The following B3GLCT variants were observed in gnomAD, a reference collection of about 807,000 sequenced individuals.
B3GLCT encodes beta 3-glucosyltransferase.
A neutral mutation model predicts 63.4 loss-of-function variants in B3GLCT; 65 were observed. The observed-to-expected ratio is 1.03, with a 90% CI of 0.84 to 1.26. B3GLCT has a LOEUF of 1.26. Ranked by LOEUF, B3GLCT falls within the 50% of genes most tolerant of loss-of-function variation. The pLI is 0.00. For synonymous variants in B3GLCT, 233 were observed against 219.2 expected (o/e 1.06, Z -0.55); for missense variants, 577 against 604.8 (o/e 0.95, Z 0.48).
intron 2 of B3GLCT, among the ~76,000 whole-genome samples, chr13:31,217,256 G>T (rs1480672158): frequency 6.6e-6 from 1 of 152,188 alleles, no homozygotes; most frequent in Non-Finnish European, 1.5e-5. Context: ...CTTTTGAGAA[G>T]TGTCTGTTCA....
In B3GLCT at chr13:31,215,135, T is replaced by C. The variant is rs1165865839; in HGVS notation, c.120+35T>C. On this transcript the variant is annotated intron_variant, in intron 2 of 14. Transcript: ENST00000343307. ...CCAATGATCAAATCTTTTCCTCCCT[T>C]CTAAGATTCATTTGTATTTTCTCTG... is the stretch of plus-strand genomic sequence containing the variant. The C allele has an allele frequency of 3.2e-6, 5 of 1,575,960 alleles. No individual in the cohort carries two copies. The South Asian group carries it at 3.4e-5, about 11-fold the overall frequency.
chr13:31,284,936 C>T (rs958563950), intron 11 of B3GLCT, among the ~76,000 whole-genome samples, 175 bp downstream of exon 11: 2 of 152,104 alleles, frequency 1.3e-5, no homozygotes, highest in Admixed American at 1.3e-4. Flanking sequence ...CTTTATAGTA[C>T]GAAGTGTTGC....
intron 4 of B3GLCT, among the ~76,000 whole-genome samples, chr13:31,239,491 A>G (rs1249158201): frequency 6.6e-6 from 1 of 152,198 alleles, no homozygotes; most frequent in Non-Finnish European, 1.5e-5. Flanking sequence ...TGTGCACTGC[A>G]TCTGTGTCAA....
At chr13:31,260,844 C>T in intron 6 of B3GLCT, 102 bp from the exon 7 acceptor site, 1 of 1,109,922 alleles carries the variant, frequency 9.0e-7, no homozygotes, top group Middle Eastern at 2.3e-4. Flanking sequence ...AACTCTTTAT[C>T]ACCCAAAATA....
At chr13:31,294,265 G>A (rs1299498746) in intron 12 of B3GLCT, among the ~76,000 whole-genome samples, 1 of 152,090 alleles carries the variant, frequency 6.6e-6, no homozygotes, top group Admixed American at 6.5e-5. Flanking sequence ...TTTCAACCTT[G>A]GTGAATCTGA....
intron 6 of B3GLCT, among the ~76,000 whole-genome samples, chr13:31,257,580 T>C (rs1376643339): frequency 6.6e-6 from 1 of 151,978 alleles, no homozygotes; most frequent in Non-Finnish European, 1.5e-5. Context: ...GACCTGTTGC[T>C]GAATTGAGGA....
At chr13:31,326,275 CTTTTTTTTTTTT>C (rs11415456) in intron 14 of B3GLCT, among the ~76,000 whole-genome samples, 53 of 75,868 alleles carry the variant, frequency 7.0e-4, no homozygotes, top group African/African-American at 2.4e-3. Flanking sequence ...AGGTCTTTCC[CTTTTTTTTTTTT>C]TTTTTTTTTT....
intron 1 of B3GLCT, among the ~76,000 whole-genome samples, chr13:31,208,370 G>A (rs192056656): frequency 2.4e-4 from 37 of 152,078 alleles, no homozygotes; most frequent in African/African-American, 6.5e-4. Flanking sequence ...CTTGGCTTCC[G>A]TTCTGGTGCG....
At chr13:31,222,120 C>A (rs1469203455) in intron 2 of B3GLCT, among the ~76,000 whole-genome samples, 4 of 149,816 alleles carry the variant, frequency 2.7e-5, no homozygotes, top group Non-Finnish European at 5.9e-5. Context: ...GCTCTGTTGC[C>A]CAGGCTGGAA....
intron 1 of B3GLCT, among the ~76,000 whole-genome samples, chr13:31,211,534 G>T (rs1869258732): frequency 6.6e-6 from 1 of 150,802 alleles, no homozygotes; most frequent in South Asian, 2.1e-4. Flanking sequence ...ATGGGAAAAA[G>T]GTATTTTAAA....
At chr13:31,313,911 C>T (rs1428956818) in intron 12 of B3GLCT, among the ~76,000 whole-genome samples, 1 of 152,142 alleles carries the variant, frequency 6.6e-6, no homozygotes, top group African/African-American at 2.4e-5. Context: ...TGTGTGCAGT[C>T]TGGGGACTTG....
At chr13:31,283,920 G>GT (rs1385570560) in intron 10 of B3GLCT, among the ~76,000 whole-genome samples, 1 of 152,170 alleles carries the variant, frequency 6.6e-6, no homozygotes, top group Non-Finnish European at 1.5e-5. Context: ...GCAGTAATTT[G>GT]TTTTTTAAGT....
chr13:31,211,287 C>T (rs1364105931), intron 1 of B3GLCT, among the ~76,000 whole-genome samples: 3 of 152,024 alleles, frequency 2.0e-5, no homozygotes, highest in South Asian at 2.1e-4. Context: ...CCCAGCTACT[C>T]GGAGGCTAAG....
intron 8 of B3GLCT, among the ~76,000 whole-genome samples, chr13:31,272,390 G>T (rs1351679525): frequency 6.6e-6 from 1 of 151,316 alleles, no homozygotes; most frequent in Non-Finnish European, 1.5e-5. Context: ...AATTTTTTTT[G>T]TATTTTTAGT....
chr13:31,327,746 C>A (rs148104566), intron 14 of B3GLCT, among the ~76,000 whole-genome samples: 1 of 152,362 alleles, frequency 6.6e-6, no homozygotes, highest in East Asian at 1.9e-4. Flanking sequence ...TTTCCCAACT[C>A]TGTTAGACTG....
chr13:31,292,460 G>A (rs911489194), intron 12 of B3GLCT, among the ~76,000 whole-genome samples: 4 of 152,096 alleles, frequency 2.6e-5, no homozygotes, highest in Non-Finnish European at 2.9e-5. Context: ...TTGGTTGGTA[G>A]GCTATTAATT....
At chr13:31,264,933 T>C (rs1260283443) in intron 7 of B3GLCT, among the ~76,000 whole-genome samples, 1 of 152,226 alleles carries the variant, frequency 6.6e-6, no homozygotes, top group Non-Finnish European at 1.5e-5. Flanking sequence ...TCTAGCAGTT[T>C]ATCAATATCA....
chr13:31,206,986 C>T (rs1256979012), intron 1 of B3GLCT, among the ~76,000 whole-genome samples: 3 of 152,070 alleles, frequency 2.0e-5, no homozygotes, highest in East Asian at 1.9e-4. Context: ...AAGTTAGAGC[C>T]GTGAGTTGTT....
Position 31,260,983 on chromosome 13 carries a change from C to G in B3GLCT, c.497C>G (p.Ala166Gly). The change falls in exon 7 of 15, where the codon GCT (alanine) becomes GGT (glycine). Residue 166 changes from alanine (A) to glycine (G), a missense_variant. Transcript: ENST00000343307. ...FLGKALHDEE[A>G]TIIHHYAFSE... The stretch of plus-strand genomic sequence containing the variant: ...GGAAAAGCATTACATGATGAAGAAG[C>G]TACAATAATTCACCATTATGCCTTT... The G allele has an allele frequency of 1.2e-6, 2 of 1,613,902 alleles. No individual in the cohort carries two copies. Among genetic ancestry groups the G allele is most frequent in the Non-Finnish European group, 1.7e-6 (2 of 1,179,874 alleles).
Sources: allele counts gnomAD v4.1 joint callset (sites outside exome capture counted in the v4.1 genomes callset), GRCh38; gene constraint gnomAD v4.1.1; transcripts MANE v1.5; gene names NCBI Gene and HGNC (gene_info 2026-07-23, HGNC 2026-07-21).